AGMO: variants seen among roughly 807,000 people sequenced by gnomAD.
AGMO encodes the protein glyceryl-ether monooxygenase.
Under a neutral mutation model 60.2 loss-of-function variants are expected in AGMO, and 75 were observed. That is an observed-to-expected ratio of 1.25 (90% CI 1.03 to 1.51). The LOEUF is 1.51. Among genes scored for constraint, AGMO ranks in the 40% most tolerant of loss-of-function variants. AGMO has a pLI of 0.00. For missense variants in AGMO, 763 were observed against 525.5 expected (o/e 1.45, Z -4.42); for synonymous variants, 261 against 177.1 (o/e 1.47, Z -3.76).
At chr7:15,123,165 A>G in the AGMO span, among the ~76,000 whole-genome samples, 1 of 152,010 alleles carries the variant, frequency 6.6e-6, no homozygotes, top group Non-Finnish European at 1.5e-5. Flanking sequence ...CTTCACCTCC[A>G]GCAAGTCTTA....
chr7:15,493,259 T>C (rs1030994212), intron 3 of AGMO, among the ~76,000 whole-genome samples: 2 of 151,804 alleles, frequency 1.3e-5, no homozygotes, highest in African/African-American at 2.4e-5. Flanking sequence ...TTTGTCCATA[T>C]GTTTTGTTAG....
At chr7:15,135,224 GT>G in the AGMO span, among the ~76,000 whole-genome samples, 1 of 151,234 alleles carries the variant, frequency 6.6e-6, no homozygotes, top group Admixed American at 6.6e-5. Flanking sequence ...TGTGCCTATA[GT>G]TTTTTCTACC....
At chr7:15,394,223 A>T (rs1784274900) in intron 5 of AGMO, 44 bp from the exon 6 acceptor site, 1 of 1,329,960 alleles carries the variant, frequency 7.5e-7, no homozygotes, top group Non-Finnish European at 1.1e-6. Flanking sequence ...GTTATCATTA[A>T]ATGTGTGTTA....
chr7:15,202,084 G>A lies in AGMO; in HGVS notation c.1264-725C>T, dbSNP rs1244786433. 2.0e-5 allele frequency among the ~76,000 whole-genome samples: 3 copies of A among 152,104 alleles called. No homozygotes were observed. The East Asian group carries it at 5.8e-4, about 30-fold the overall frequency. The stretch of plus-strand genomic sequence containing the variant: ...GCTTTCCTGATCACCATTTTAGGTG[G>A]TTGGGTAACTGGAATGATGATGAAA... On this transcript the variant is annotated intron_variant, in intron 12 of 12. Transcript: ENST00000342526.
At chr7:15,228,689 A>T (rs932229585) in intron 12 of AGMO, among the ~76,000 whole-genome samples, 4 of 152,172 alleles carry the variant, frequency 2.6e-5, no homozygotes, top group Non-Finnish European at 5.9e-5. Context: ...TTAAAAAATG[A>T]TCTGGCATTT....
Position 15,327,001 on chromosome 7 carries a change from T to C in AGMO, c.1263+38513A>G, listed in dbSNP as rs145438336. ...GCATTTTTTGTCTTAATGTAAATTG[T>C]TCTGTTTTTGATCAATGCTGAAAGT... On this transcript the variant is annotated intron_variant, in intron 12 of 12. Coordinates refer to ENST00000342526, the MANE Select transcript of AGMO (RefSeq NM_001004320.2). Among the ~76,000 whole-genome samples, 43 of 152,308 alleles carry C rather than the reference T, an allele frequency of 2.8e-4. No individual in the cohort carries two copies. The East Asian group carries it at 7.1e-3, about 25-fold the overall frequency.
At chr7:15,483,949 G>A (rs1396660970) in intron 3 of AGMO, among the ~76,000 whole-genome samples, 2 of 152,162 alleles carry the variant, frequency 1.3e-5, no homozygotes, top group Non-Finnish European at 2.9e-5. Context: ...AAGTCACGTT[G>A]TTATTGGTGC....
intron 12 of AGMO, among the ~76,000 whole-genome samples, chr7:15,299,886 C>CAG (rs1554408798): frequency 8.7e-6 from 1 of 114,642 alleles, no homozygotes; most frequent in Non-Finnish European, 1.7e-5. Flanking sequence ...CACACACACA[C>CAG]AGTATGTTTT....
intron 3 of AGMO, among the ~76,000 whole-genome samples, chr7:15,453,722 C>T (rs1159184763): frequency 6.6e-6 from 1 of 152,052 alleles, no homozygotes; most frequent in Admixed American, 6.6e-5. Flanking sequence ...GCTTGTGGAG[C>T]TGAGCAGGTC....
At chr7:15,240,202 T>C (rs1400935011) in intron 12 of AGMO, among the ~76,000 whole-genome samples, 1 of 152,192 alleles carries the variant, frequency 6.6e-6, no homozygotes, top group Non-Finnish European at 1.5e-5. Flanking sequence ...AGGCTTGCCA[T>C]ATTTAAAAAA....
At chr7:15,279,518 T>G (rs758918409) in intron 12 of AGMO, among the ~76,000 whole-genome samples, 1 of 152,188 alleles carries the variant, frequency 6.6e-6, no homozygotes, top group African/African-American at 2.4e-5. Context: ...GAAACTGATT[T>G]GTTTTGTTTT....
intron 12 of AGMO, among the ~76,000 whole-genome samples, chr7:15,265,963 C>T (rs1583343371): frequency 6.6e-6 from 1 of 152,060 alleles, no homozygotes; most frequent in East Asian, 1.9e-4. Flanking sequence ...AAAGGCAATA[C>T]ATTCTGATGT....
At chr7:15,422,663 A>C (rs1231588317) in intron 4 of AGMO, among the ~76,000 whole-genome samples, 3 of 152,138 alleles carry the variant, frequency 2.0e-5, no homozygotes, top group African/African-American at 7.2e-5. Context: ...AGTTTCCCCA[A>C]GGTAGAGAGG....
intron 12 of AGMO, among the ~76,000 whole-genome samples, chr7:15,303,046 G>A (rs1236725735): frequency 6.6e-6 from 1 of 151,948 alleles, no homozygotes; most frequent in Non-Finnish European, 1.5e-5. Context: ...AACCCAGGAG[G>A]AACAATCCAC....
In AGMO at chr7:15,538,475, C is replaced by T. The variant is rs549984107; in HGVS notation, c.409+6297G>A. On this transcript the variant is annotated intron_variant, in intron 3 of 12. Coordinates refer to ENST00000342526, the MANE Select transcript of AGMO (RefSeq NM_001004320.2). ...CTTGAAACTCCTAGCCTCAAACTAT[C>T]CTCCTGCCTTGGTCTCCCTAGGCGC... Among the ~76,000 whole-genome samples the T allele has an allele frequency of 3.3e-5, 5 of 152,248 alleles. No individual in the cohort carries two copies. In the South Asian group the frequency reaches 1.0e-3, roughly 32 times the overall value.
chr7:15,511,343 C>T (rs1242774695), intron 3 of AGMO, among the ~76,000 whole-genome samples: 1 of 152,180 alleles, frequency 6.6e-6, no homozygotes, highest in Non-Finnish European at 1.5e-5. Flanking sequence ...AACATGCAAA[C>T]TCCTCACAGA....
At chr7:15,529,646 A>ATATATT (rs1212938560) in intron 3 of AGMO, among the ~76,000 whole-genome samples, 3 of 9,472 alleles carry the variant, frequency 3.2e-4, no homozygotes, top group African/African-American at 1.0e-3. Flanking sequence ...ATATATATAT[A>ATATATT]CTATATATTC....
intron 10 of AGMO, among the ~76,000 whole-genome samples, chr7:15,366,523 C>T (rs922529245): frequency 3.9e-5 from 6 of 152,020 alleles, no homozygotes; most frequent in South Asian, 2.1e-4. Flanking sequence ...ATGTGAGTCC[C>T]CACATATGGA....
intron 5 of AGMO, among the ~76,000 whole-genome samples, chr7:15,417,560 C>G (rs28537830): frequency 6.6e-6 from 1 of 152,092 alleles, no homozygotes; most frequent in Non-Finnish European, 1.5e-5. Context: ...CAGAATTGGC[C>G]GCAACATCTC....
Sources: gnomAD v4.1 joint callset for allele counts (sites outside exome capture counted in the v4.1 genomes callset) on GRCh38, gnomAD v4.1.1 for gene constraint, MANE v1.5 for transcripts, NCBI Gene and HGNC (gene_info 2026-07-23, HGNC 2026-07-21) for gene names.